The following CNTN4 variants were observed in gnomAD, a reference collection of about 807,000 sequenced individuals.
The protein encoded by CNTN4 is contactin-4.
A neutral mutation model predicts 122.5 loss-of-function variants in CNTN4; 77 were observed. The ratio of observed to expected loss-of-function variants is 0.63; its 90% CI spans 0.52 to 0.76. CNTN4 has a LOEUF of 0.76. CNTN4 is among the 30% of genes least tolerant of loss of function. The pLI is 0.00. For missense variants in CNTN4, 1,256 were observed against 1,259.1 expected (o/e 1.00, Z 0.04); for synonymous variants, 512 against 447.0 (o/e 1.15, Z -1.83).
At chr3:2,400,447 ATATCTC>A (rs1433298003) in intron 3 of CNTN4, among the ~76,000 whole-genome samples, 5 of 136,818 alleles carry the variant, frequency 3.7e-5, no homozygotes. Context: ...ATATATATAT[ATATCTC>A]TTTTTTTCCT....
chr3:3,033,039 G>T (rs948650222), intron 16 of CNTN4, among the ~76,000 whole-genome samples: 2 of 152,094 alleles, frequency 1.3e-5, no homozygotes, highest in African/African-American at 4.8e-5. Flanking sequence ...GCCAACAATG[G>T]ACTCAGATAT....
intron 13 of CNTN4, among the ~76,000 whole-genome samples, chr3:2,978,860 G>A (rs561363828): frequency 6.6e-6 from 1 of 152,302 alleles, no homozygotes; most frequent in Admixed American, 6.5e-5. Flanking sequence ...CTTAAGCTGA[G>A]AAGTAGTCTT....
In CNTN4 at chr3:2,567,096, CT is replaced by C. The variant is rs1250109698; in HGVS notation, c.-88-4313del. Among the ~76,000 whole-genome samples the C allele has an allele frequency of 8.6e-3, 564 of 65,630 alleles. 1 individual carries two copies. The highest frequency in any genetic ancestry group is 0.015 in the Admixed American group (62 of 4,252). 43.1% of individuals were successfully genotyped at this position (65,630 alleles called of 152,430 possible). ...CAAGTCCAGAATTTTTTTTTTTTTT[CT>C]TTTTTTCAGACGGAGTCTTGCTCAT... On this transcript the variant is annotated intron_variant, in intron 3 of 24. Transcript: ENST00000418658.
chr3:2,566,274 A>G (rs748027114), intron 3 of CNTN4, among the ~76,000 whole-genome samples: 2 of 152,224 alleles, frequency 1.3e-5, no homozygotes, highest in Non-Finnish European at 2.9e-5. Flanking sequence ...TTGAAGTATG[A>G]AGACATAGAT....
intron 3 of CNTN4, among the ~76,000 whole-genome samples, chr3:2,534,313 T>G (rs1239473289): frequency 6.6e-6 from 1 of 152,196 alleles, no homozygotes; most frequent in Non-Finnish European, 1.5e-5. Context: ...CAGTTTCAGC[T>G]TTCTACATAT....
At chr3:2,438,474 A>T (rs565026219) in intron 3 of CNTN4, among the ~76,000 whole-genome samples, 1 of 152,330 alleles carries the variant, frequency 6.6e-6, no homozygotes, top group East Asian at 1.9e-4. Flanking sequence ...GTGAGCCAGG[A>T]TCAAGCCACT....
At chr3:2,192,651 G>C (rs1417907808) in intron 2 of CNTN4, among the ~76,000 whole-genome samples, 1 of 152,174 alleles carries the variant, frequency 6.6e-6, no homozygotes, top group Non-Finnish European at 1.5e-5. Flanking sequence ...CTTCGCAAAA[G>C]AAGACATTTA....
chr3:2,413,265 A>G (rs183099866), intron 3 of CNTN4, among the ~76,000 whole-genome samples: 6 of 152,276 alleles, frequency 3.9e-5, no homozygotes, highest in South Asian at 2.1e-4. Context: ...ATAATGAGAT[A>G]CTCCAGTTTA....
chr3:2,931,708 A>T (rs79901536), intron 13 of CNTN4, among the ~76,000 whole-genome samples: 2,544 of 152,160 alleles, frequency 0.017, 64 homozygotes, highest in African/African-American at 0.058. Flanking sequence ...AGCTCACTGC[A>T]GCCTTGAACT....
chr3:2,214,060 C>T (rs1403189217), intron 2 of CNTN4, among the ~76,000 whole-genome samples: 1 of 152,112 alleles, frequency 6.6e-6, no homozygotes, highest in Non-Finnish European at 1.5e-5. Context: ...AAATTCTGTA[C>T]TTTTCCCACC....
chr3:2,167,553 A>G (rs912190802), intron 2 of CNTN4, among the ~76,000 whole-genome samples: 5 of 152,170 alleles, frequency 3.3e-5, no homozygotes, highest in African/African-American at 1.2e-4. Context: ...CCAGACTGGG[A>G]AATTTTAATA....
At chr3:3,023,971 T>C (rs775176190) in intron 14 of CNTN4, among the ~76,000 whole-genome samples, 12 of 152,330 alleles carry the variant, frequency 7.9e-5, no homozygotes, top group South Asian at 4.1e-4. Context: ...ATTTGTTAAA[T>C]AGGGATGATA....
chr3:2,460,726 T>A (rs550259127), intron 3 of CNTN4, among the ~76,000 whole-genome samples: 2 of 152,312 alleles, frequency 1.3e-5, no homozygotes, highest in South Asian at 4.1e-4. Flanking sequence ...TCAACGCAAA[T>A]CTTTTCTTAT....
intron 4 of CNTN4, among the ~76,000 whole-genome samples, chr3:2,666,647 G>C (rs2084183333): frequency 1.3e-5 from 2 of 151,942 alleles, no homozygotes; most frequent in African/African-American, 4.8e-5. Context: ...ACAACGTGCA[G>C]GTTTTTTACA....
At chr3:2,497,848 T>C (rs919210280) in intron 3 of CNTN4, among the ~76,000 whole-genome samples, 2 of 152,212 alleles carry the variant, frequency 1.3e-5, no homozygotes, top group Admixed American at 6.5e-5. Flanking sequence ...AACCTCATAA[T>C]TGTCATGTTT....
intron 2 of CNTN4, among the ~76,000 whole-genome samples, chr3:2,107,962 G>T (rs12637292): frequency 0.23 from 34,543 of 151,854 alleles, 4,057 homozygotes; most frequent in East Asian, 0.45. Context: ...TCTCAAAGCT[G>T]ATCTCTCCTT....
intron 3 of CNTN4, among the ~76,000 whole-genome samples, chr3:2,461,282 A>G (rs1358382934): frequency 6.6e-6 from 1 of 151,782 alleles, no homozygotes; most frequent in Non-Finnish European, 1.5e-5. Flanking sequence ...AGAAAAAGCT[A>G]CTAACTGTTT....
At chr3:2,731,482 G>T (rs967822246) in intron 4 of CNTN4, among the ~76,000 whole-genome samples, 1 of 152,176 alleles carries the variant, frequency 6.6e-6, no homozygotes, top group African/African-American at 2.4e-5. Flanking sequence ...ATTGGTGCCT[G>T]CACTAGATCC....
intron 2 of CNTN4, among the ~76,000 whole-genome samples, chr3:2,296,306 A>G (rs1324497483): frequency 2.0e-5 from 3 of 152,164 alleles, no homozygotes; most frequent in South Asian, 4.1e-4. Context: ...CTTCCTACCC[A>G]TGAGCATGGA....
Sources: gnomAD v4.1 joint callset for allele counts (sites outside exome capture counted in the v4.1 genomes callset) on GRCh38, gnomAD v4.1.1 for gene constraint, MANE v1.5 for transcripts, NCBI Gene and HGNC (gene_info 2026-07-23, HGNC 2026-07-21) for gene names.